Variants in DNAH14 observed in about 807,000 individuals in gnomAD.
DNAH14 encodes axonemal beta dynein heavy chain 14.
A neutral mutation model predicts 520.9 loss-of-function variants in DNAH14; 478 were observed. That is an observed-to-expected ratio of 0.92 (90% CI 0.85 to 0.99). The LOEUF is 0.99. Among genes scored for constraint, DNAH14 ranks in the 50% least tolerant of loss-of-function variants. DNAH14 has a pLI of 0.00. For missense variants in DNAH14, 4,831 were observed against 5,234.5 expected (o/e 0.92, Z 2.38); for synonymous variants, 1,581 against 1,757.2 (o/e 0.90, Z 2.51).
rs2095484575 is a variant in DNAH14, at chr1:225,360,829, C to G, written c.11925C>G (p.Val3975=). Reference sequence around the variant, plus strand: ...CACTAACAAAAACACAACAATGGGTCTTCCTCCAGAACTGCCATCTTGCAA... The same window carrying G: ...CACTAACAAAAACACAACAATGGGTGTTCCTCCAGAACTGCCATCTTGCAA... ...LKALTKTQQW[V]FLQNCHLATS... is the part of the protein sequence containing the mutation. Residue 3975 remains valine, a synonymous_variant, in exon 75 of 86, where the codon GTC becomes GTG. Coordinates refer to ENST00000682510, the MANE Select transcript of DNAH14 (RefSeq NM_001367479.1). 5.2e-6 allele frequency: 8 copies of G among 1,551,604 alleles called. No homozygotes were observed. The highest frequency in any genetic ancestry group is 7.0e-6 in the Non-Finnish European group (8 of 1,147,000).
At chr1:225,162,271 C>A (rs910672316) in intron 35 of DNAH14, among the ~76,000 whole-genome samples, 1 of 152,074 alleles carries the variant, frequency 6.6e-6, no homozygotes, top group African/African-American at 2.4e-5. Context: ...ACGTTCCTGA[C>A]ACCTTTGTTG....
intron 22 of DNAH14, among the ~76,000 whole-genome samples, chr1:225,098,160 G>A (rs1271686129): frequency 6.6e-6 from 1 of 151,824 alleles, no homozygotes; most frequent in African/African-American, 2.4e-5. Context: ...CTGCACGATG[G>A]CACTCCAGCC....
Position 224,974,890 on chromosome 1 carries a change from G to C in DNAH14, c.830+737G>C, listed in dbSNP as rs573845033. ...TCATAGATAGCTCTTATTATTTTGA[G>C]ATACGTCCTATCAATACCTAATTTA... On this transcript the variant is annotated intron_variant, in intron 8 of 85. Coordinates refer to ENST00000682510, the MANE Select transcript of DNAH14 (RefSeq NM_001367479.1). 3.9e-5 allele frequency among the ~76,000 whole-genome samples: 6 copies of C among 152,210 alleles called. No individual in the cohort carries two copies. The South Asian group carries it at 8.3e-4, about 21-fold the overall frequency.
At chr1:225,054,499 A>G (rs922077173) in intron 17 of DNAH14, among the ~76,000 whole-genome samples, 9 of 152,170 alleles carry the variant, frequency 5.9e-5, no homozygotes, top group Non-Finnish European at 1.2e-4. Flanking sequence ...CTACTCTTTC[A>G]AATTAATGGT....
At chr1:225,264,154 G>A in intron 46 of DNAH14, 43 bp from the exon 47 acceptor site, 1 of 1,478,222 alleles carries the variant, frequency 6.8e-7, no homozygotes, top group Non-Finnish European at 9.2e-7. Flanking sequence ...TACCTATTAT[G>A]GTAAACAAAC....
chr1:225,365,619 G>A (rs1333406702), intron 76 of DNAH14, among the ~76,000 whole-genome samples: 2 of 152,136 alleles, frequency 1.3e-5, no homozygotes, highest in South Asian at 2.1e-4. Flanking sequence ...ACAGTACTGA[G>A]CCATTTCCCA....
intron 28 of DNAH14, among the ~76,000 whole-genome samples, chr1:225,141,882 T>C (rs769296): frequency 0.2 from 30,211 of 152,042 alleles, 6,185 homozygotes; most frequent in African/African-American, 0.51. Context: ...AGAGATTGAG[T>C]ATCAAGCTCT....
Position 225,335,688 on chromosome 1 carries a change from T to C in DNAH14, c.10081-1578T>C, listed in dbSNP as rs1269125202. Among the ~76,000 whole-genome samples, 2 of 91,660 alleles carry C rather than the reference T, an allele frequency of 2.2e-5. 1 individual carries two copies. The highest frequency in any genetic ancestry group is 7.2e-4 in the South Asian group (2 of 2,796). 60.1% of individuals were successfully genotyped at this position (91,660 alleles called of 152,430 possible). A position where few individuals can be genotyped will look rare whatever the true frequency, so the allele number is the denominator to read the frequency against. Reference sequence around the variant, plus strand: ...ATATGTGCATATATGTATATACGCATATATACATATGTGCATATATGTATA... The same window carrying C: ...ATATGTGCATATATGTATATACGCACATATACATATGTGCATATATGTATA... On this transcript the variant is annotated intron_variant, in intron 66 of 85. Transcript: ENST00000682510.
intron 42 of DNAH14, among the ~76,000 whole-genome samples, chr1:225,240,068 A>C (rs573031093): frequency 5.9e-5 from 9 of 152,246 alleles, no homozygotes; most frequent in Admixed American, 5.2e-4. Context: ...GGTTAAACTA[A>C]ATCAACCTCT....
In DNAH14 at chr1:225,340,729, G is replaced by A. The variant is rs775644356; in HGVS notation, c.10678+28G>A. Reference sequence around the variant, plus strand: ...AAGTCAAGATATTTAGTGATAGTAAGAGATCTTTGCAAAGGATAGAATAAA... The same window carrying A: ...AAGTCAAGATATTTAGTGATAGTAAAAGATCTTTGCAAAGGATAGAATAAA... On this transcript the variant is annotated intron_variant, in intron 69 of 85. Coordinates refer to ENST00000682510, the MANE Select transcript of DNAH14 (RefSeq NM_001367479.1). The A allele has an allele frequency of 6.5e-6, 10 of 1,540,676 alleles. No individual in the cohort carries two copies. In the South Asian group the frequency reaches 1.1e-4, roughly 17 times the overall value.
intron 7 of DNAH14, among the ~76,000 whole-genome samples, chr1:224,972,611 G>T: frequency 6.6e-6 from 1 of 151,714 alleles, no homozygotes; most frequent in Non-Finnish European, 1.5e-5. Flanking sequence ...GACTACAGGC[G>T]CCTGCCACCA....
At chr1:225,060,006 TGGAGTTGCTCTTCTCGA>T (rs2069795429) in intron 17 of DNAH14, among the ~76,000 whole-genome samples, 1 of 151,726 alleles carries the variant, frequency 6.6e-6, no homozygotes, top group South Asian at 2.1e-4. Context: ...TTATGTGTCT[TGGAGTTGCTCTTCTCGA>T]GGAGTATCTT....
chr1:225,257,887 C>CA (rs35313445), intron 44 of DNAH14, 73 bp from the exon 45 acceptor site: 136,413 of 944,902 alleles, frequency 0.14, 2,044 homozygotes, highest in East Asian at 0.27. Flanking sequence ...ATCCTAATGA[C>CA]AAAAAAAAAA....
At chr1:225,362,591 G>T (rs1220001742) in intron 75 of DNAH14, among the ~76,000 whole-genome samples, 1 of 126,572 alleles carries the variant, frequency 7.9e-6, no homozygotes, top group Non-Finnish European at 1.7e-5. Context: ...AAAAAAAAAT[G>T]CTCAGCATCA....
At chr1:225,078,855 T>C (rs1446871470) in intron 17 of DNAH14, among the ~76,000 whole-genome samples, 1 of 42,212 alleles carries the variant, frequency 2.4e-5, no homozygotes, top group Non-Finnish European at 4.8e-5. Context: ...TCTCTCTCTC[T>C]CTCCCTCTCT....
chr1:225,007,372 T>A, intron 9 of DNAH14, 41 bp from the exon 10 acceptor site: 5 of 1,411,108 alleles, frequency 3.5e-6, no homozygotes, highest in Non-Finnish European at 4.7e-6. Context: ...AAATATGAAT[T>A]TTGACTTTCT....
chr1:225,317,845 A>G (rs1256040273), intron 60 of DNAH14, among the ~76,000 whole-genome samples: 1 of 152,210 alleles, frequency 6.6e-6, no homozygotes, highest in African/African-American at 2.4e-5. Context: ...GCCAGATCCT[A>G]TAGGACAAGT....
At chr1:225,170,438 A>G (rs2082500124) in intron 36 of DNAH14, among the ~76,000 whole-genome samples, 1 of 152,210 alleles carries the variant, frequency 6.6e-6, no homozygotes, top group South Asian at 2.1e-4. Context: ...TACCAAGCAA[A>G]TGGAAAACAA....
intron 23 of DNAH14, among the ~76,000 whole-genome samples, chr1:225,102,648 T>G (rs1258170889): frequency 1.3e-5 from 2 of 152,354 alleles, no homozygotes; most frequent in Middle Eastern, 6.8e-3. Context: ...CCAGTGATGA[T>G]GAGCATTTTT....
Sources: allele counts gnomAD v4.1 joint callset (sites outside exome capture counted in the v4.1 genomes callset), GRCh38; gene constraint gnomAD v4.1.1; transcripts MANE v1.5; gene names NCBI Gene and HGNC (gene_info 2026-07-23, HGNC 2026-07-21).